Variants in CYTH3 observed in about 807,000 individuals in gnomAD.
CYTH3 encodes cytohesin-3.
A neutral mutation model predicts 55.1 loss-of-function variants in CYTH3; 23 were observed. The observed-to-expected ratio is 0.42, with a 90% CI of 0.30 to 0.59. The LOEUF (loss-of-function observed/expected upper bound fraction) is 0.59. Ranked by LOEUF, CYTH3 falls within the 20% of genes least tolerant of loss-of-function variation. CYTH3 has a pLI of 0.20. For synonymous variants in CYTH3, 249 were observed against 194.9 expected, an observed-to-expected ratio of 1.28 and a Z score of -2.31; for missense variants, 413 against 524.8, an observed-to-expected ratio of 0.79 and a Z score of 2.08.
At chr7:6,180,044 T>C (rs573562469) in intron 4 of CYTH3, among the ~76,000 whole-genome samples, 1 of 152,120 alleles carries the variant, frequency 6.6e-6, no homozygotes, top group East Asian at 1.9e-4. Flanking sequence ...GCTTTGCTAT[T>C]GGCTCTAAGT....
Position 6,206,936 on chromosome 7 carries a change from G to C in CYTH3, c.35-16405C>G, listed in dbSNP as rs149673632. 2.7e-3 allele frequency among the ~76,000 whole-genome samples: 414 copies of C among 152,104 alleles called. 4 individuals are homozygous for C. The highest frequency in any genetic ancestry group is 0.014 in the Middle Eastern group (4 of 294). ...CGTTTTAGAGAGACTACTAACTACA[G>C]AATAAATGCTTCATAAAATCTAAAA... On this transcript the variant is annotated intron_variant, in intron 1 of 12. Coordinates refer to ENST00000350796, the MANE Select transcript of CYTH3 (RefSeq NM_004227.4).
intron 1 of CYTH3, among the ~76,000 whole-genome samples, chr7:6,226,438 G>A (rs1022520289): frequency 2.0e-5 from 3 of 152,200 alleles, no homozygotes; most frequent in Non-Finnish European, 2.9e-5. Context: ...ATGAGGGTGG[G>A]GAGGTGGGAG....
intron 4 of CYTH3, among the ~76,000 whole-genome samples, chr7:6,181,077 A>C (rs1428127318): frequency 6.6e-6 from 1 of 152,174 alleles, no homozygotes; most frequent in Non-Finnish European, 1.5e-5. Context: ...ATTACTCTTA[A>C]AATTTTGACA....
At chr7:6,251,827 T>C (rs1187948735) in intron 1 of CYTH3, among the ~76,000 whole-genome samples, 1 of 152,096 alleles carries the variant, frequency 6.6e-6, no homozygotes, top group Non-Finnish European at 1.5e-5. Flanking sequence ...ATCGCATGAG[T>C]TCTTCACAGG....
intron 1 of CYTH3, among the ~76,000 whole-genome samples, chr7:6,206,564 T>A (rs928109942): frequency 6.6e-6 from 1 of 152,246 alleles, no homozygotes; most frequent in Non-Finnish European, 1.5e-5. Context: ...CATGACTACA[T>A]GGAAAATAGC....
intron 1 of CYTH3, among the ~76,000 whole-genome samples, chr7:6,214,281 C>T (rs1406897907): frequency 6.6e-6 from 1 of 152,110 alleles, no homozygotes; most frequent in Non-Finnish European, 1.5e-5. Flanking sequence ...TTTTTGTGTA[C>T]TTGAAATTTT....
chr7:6,259,813 AATATATATATATATATATATTTTTT>A (rs1780295182), intron 1 of CYTH3, among the ~76,000 whole-genome samples: 2 of 25,454 alleles, frequency 7.9e-5, no homozygotes, highest in African/African-American at 1.0e-3. Flanking sequence ...ATATATATAT[AATATATATATATATATATATTTTTT>A]TTTTTTTTTA....
At chr7:6,184,041 CT>C in intron 4 of CYTH3, among the ~76,000 whole-genome samples, 1 of 145,968 alleles carries the variant, frequency 6.9e-6, no homozygotes, top group East Asian at 2.0e-4. Flanking sequence ...TACGCACCCC[CT>C]CTGTGGCTTT....
chr7:6,225,440 A>AC (rs147231810), intron 1 of CYTH3, among the ~76,000 whole-genome samples: 5,833 of 149,200 alleles, frequency 0.039, 392 homozygotes, highest in African/African-American at 0.14. Context: ...CACAACCTCT[A>AC]CCTCCCGGGT....
intron 4 of CYTH3, among the ~76,000 whole-genome samples, chr7:6,184,802 T>G (rs1783595441): frequency 6.6e-6 from 1 of 152,174 alleles, no homozygotes; most frequent in Non-Finnish European, 1.5e-5. Flanking sequence ...GGTCTCAAAC[T>G]CCTGACCTCA....
intron 1 of CYTH3, among the ~76,000 whole-genome samples, chr7:6,194,097 T>C (rs903588367): frequency 1.3e-5 from 2 of 152,132 alleles, no homozygotes; most frequent in Admixed American, 6.5e-5. Context: ...CTAATACACT[T>C]TTTACTTCTT....
chr7:6,236,263 G>A (rs938890457), intron 1 of CYTH3, among the ~76,000 whole-genome samples: 3 of 151,704 alleles, frequency 2.0e-5, no homozygotes, highest in African/African-American at 7.3e-5. Flanking sequence ...GAGTACAGTG[G>A]CACAATCTTG....
At chr7:6,240,594 C>G (rs1334406834) in intron 1 of CYTH3, among the ~76,000 whole-genome samples, 1 of 152,040 alleles carries the variant, frequency 6.6e-6, no homozygotes, top group Non-Finnish European at 1.5e-5. Flanking sequence ...TAAAGATGAA[C>G]TTTTTAATAA....
At chr7:6,226,046 G>T (rs1230332715) in intron 1 of CYTH3, among the ~76,000 whole-genome samples, 1 of 152,082 alleles carries the variant, frequency 6.6e-6, no homozygotes, top group Non-Finnish European at 1.5e-5. Context: ...AACCCAATGT[G>T]AAACATTCAT....
rs1206438358 is a variant in CYTH3, at chr7:6,170,501, G to T, written c.823+34C>A. The T allele has an allele frequency of 1.8e-5, 28 of 1,596,908 alleles. No individual in the cohort carries two copies. Among genetic ancestry groups the T allele is most frequent in the East Asian group, 4.5e-5 (2 of 44,804 alleles). On this transcript the variant is annotated intron_variant, in intron 9 of 12. Coordinates refer to ENST00000350796, the MANE Select transcript of CYTH3 (RefSeq NM_004227.4). The surrounding 1 kb of genome is among the most constrained non-coding windows in gnomAD (Gnocchi z 7.8). ...AGGGGCTGCTGCCATGGGCAGAGGG[G>T]TCACGCCCGGGTCCCGCTGGGCCGG...
At chr7:6,231,166 G>A (rs116845020) in intron 1 of CYTH3, among the ~76,000 whole-genome samples, 1,972 of 152,336 alleles carry the variant, frequency 0.013, 25 homozygotes, top group Middle Eastern at 0.034. Context: ...GAGTGGGGAC[G>A]GGCAGAGGGC....
Position 6,171,225 on chromosome 7 carries a change from T to A in CYTH3, c.539A>T (p.Asn180Ile). Residue 180 changes from asparagine to isoleucine, a missense_variant, in exon 7 of 13, where the codon AAC becomes ATC. Physicochemically the swap from Asn to Ile is moderately radical, Grantham distance 149 (BLOSUM62 -3). This residue lies in a region of CYTH3 where 156 missense variants were observed against 233.1 expected (regional missense o/e 0.67). Transcript: ENST00000350796. This position sits in a 1 kb window ranked among gnomAD's most constrained non-coding sequence, Gnocchi z 6.7. Reference sequence around the variant, plus strand: ...ACCTGTGGACTGGAAGACCCCGGGGTTGCACAGGCAGTAGCGAGAAGCGAA... The same window carrying A: ...ACCTGTGGACTGGAAGACCCCGGGGATGCACAGGCAGTAGCGAGAAGCGAA... Reference protein sequence around the residue: ...EAFASRYCLCNPGVFQSTDTC... With the variant: ...EAFASRYCLCIPGVFQSTDTC... The A allele has an allele frequency of 1.2e-6, 2 of 1,614,004 alleles. No individual in the cohort carries two copies. The highest frequency in any genetic ancestry group is 2.2e-5 in the East Asian group (1 of 44,862).
chr7:6,229,648 GAAAAAA>G (rs35933979), intron 1 of CYTH3, among the ~76,000 whole-genome samples: 1 of 108,640 alleles, frequency 9.2e-6, no homozygotes. Context: ...CGTCTCTACT[GAAAAAA>G]AAAAAAAAAA....
At chr7:6,225,793 C>G (rs973578322) in intron 1 of CYTH3, among the ~76,000 whole-genome samples, 1 of 152,012 alleles carries the variant, frequency 6.6e-6, no homozygotes, top group African/African-American at 2.4e-5. Context: ...GGTTCTCCTG[C>G]CTCAGGCTCC....
Sources: allele counts gnomAD v4.1 joint callset (sites outside exome capture counted in the v4.1 genomes callset), GRCh38; gene constraint gnomAD v4.1.1; regional missense constraint gnomAD v4.1.1; non-coding constraint Gnocchi (gnomAD v3.1); transcripts MANE v1.5; gene names NCBI Gene and HGNC (gene_info 2026-07-23, HGNC 2026-07-21).